ZEB1: variants seen among roughly 807,000 people sequenced by gnomAD.
The protein encoded by ZEB1 is zinc finger E-box binding homeobox 1, also known as zinc finger E-box-binding homeobox 1.
Under a neutral mutation model 84.9 loss-of-function variants are expected in ZEB1, and 21 were observed. That is an observed-to-expected ratio of 0.25 (90% CI 0.18 to 0.36). The LOEUF is 0.36. ZEB1 is among the 10% of genes least tolerant of loss of function. ZEB1 has a pLI of 1.00. For synonymous variants in ZEB1, 420 were observed against 471.1 expected (o/e 0.89, Z 1.41); for missense variants, 1,104 against 1,330.2 (o/e 0.83, Z 2.65).
rs188295276 is a variant in ZEB1, at chr10:31,517,535, G to A, written c.794-2591G>A. Among the ~76,000 whole-genome samples the A allele has an allele frequency of 2.3e-3, 338 of 148,402 alleles. 3 individuals are homozygous for A. The highest frequency in any genetic ancestry group is 0.022 in the Middle Eastern group (6 of 278). ...AAAAAGTCAGTATACATAGTATACC[G>A]AACTTTGAGTAGTGAAACTTCCTGA... On this transcript the variant is annotated intron_variant, in intron 6 of 8. Transcript: ENST00000424869.
chr10:31,444,505 T>G (rs2059496899), intron 1 of ZEB1, among the ~76,000 whole-genome samples: 1 of 151,462 alleles, frequency 6.6e-6, no homozygotes, highest in South Asian at 2.1e-4. Context: ...ATGTCCTGAA[T>G]GGTAATGCCT....
intron 1 of ZEB1, among the ~76,000 whole-genome samples, chr10:31,347,357 T>C (rs1344648350): frequency 2.0e-5 from 3 of 152,162 alleles, no homozygotes; most frequent in Non-Finnish European, 4.4e-5. Context: ...AACATTTGTT[T>C]AGCATATATC....
chr10:31,461,011 T>A (rs2137446989), intron 1 of ZEB1, 26 bp from the exon 2 acceptor site: 3 of 1,591,820 alleles, frequency 1.9e-6, no homozygotes, highest in Non-Finnish European at 2.6e-6. Flanking sequence ...TTGGTTTTGA[T>A]TATTTGTTTC....
At chr10:31,341,237 A>G (rs888029023) in intron 1 of ZEB1, among the ~76,000 whole-genome samples, 2 of 152,130 alleles carry the variant, frequency 1.3e-5, no homozygotes, top group Non-Finnish European at 2.9e-5. Context: ...TTAGCTTGAT[A>G]AGAGGTGACG....
rs200572671 is a variant in ZEB1, at chr10:31,521,519, A to C, written c.2187A>C (p.Glu729Asp). 111 of 1,614,016 alleles carry C rather than the reference A, an allele frequency of 6.9e-5. No individual in the cohort carries two copies. The highest frequency in any genetic ancestry group is 9.1e-5 in the Non-Finnish European group (107 of 1,180,028). The change falls in exon 7 of 9, where the codon GAA becomes GAC. Residue 729 changes from glutamate to aspartate, a missense_variant. Glu to Asp is a conservative substitution (Grantham distance 45). This residue lies in a region of ZEB1 where 531 missense variants were observed against 575.2 expected (regional missense o/e 0.92). Transcript: ENST00000424869. ...GYLYTAEGAQ[E>D]EPQVEPLDLS... The stretch of plus-strand genomic sequence containing the variant: ...TGTACACAGCTGAGGGTGCACAAGA[A>C]GAGCCACAAGTAGAACCTCTTGATC...
intron 2 of ZEB1, among the ~76,000 whole-genome samples, chr10:31,492,453 C>T (rs942833154): frequency 6.6e-6 from 1 of 151,806 alleles, no homozygotes; most frequent in African/African-American, 2.4e-5. Flanking sequence ...GTATTAAATG[C>T]ATTTTGACAT....
intron 1 of ZEB1, among the ~76,000 whole-genome samples, chr10:31,424,765 A>G (rs761969895): frequency 6.6e-6 from 1 of 151,966 alleles, no homozygotes; most frequent in South Asian, 2.1e-4. Flanking sequence ...CTGTTTTGAC[A>G]TGTGGTTTGT....
At chr10:31,439,597 TAATC>T (rs928197015) in intron 1 of ZEB1, among the ~76,000 whole-genome samples, 15 of 151,084 alleles carry the variant, frequency 9.9e-5, no homozygotes, top group East Asian at 2.0e-4. Flanking sequence ...GTGTAGTAGA[TAATC>T]AATCAATAAG....
intron 2 of ZEB1, among the ~76,000 whole-genome samples, chr10:31,492,742 G>A (rs2138911647): frequency 6.6e-6 from 1 of 151,966 alleles, no homozygotes; most frequent in East Asian, 1.9e-4. Flanking sequence ...TAAATAATCA[G>A]TCCTTCAGCT....
chr10:31,473,198 T>G (rs1297320295), intron 2 of ZEB1, among the ~76,000 whole-genome samples: 15 of 151,168 alleles, frequency 9.9e-5, no homozygotes, highest in South Asian at 2.1e-4. Flanking sequence ...AGTGTTGGAA[T>G]TTCTGGCCAG....
chr10:31,318,959 T>C, upstream of ZEB1: 1 of 514,796 alleles, frequency 1.9e-6, no homozygotes. Context: ...GGCATCCGCC[T>C]CCCTCTCCCC....
intron 2 of ZEB1, among the ~76,000 whole-genome samples, chr10:31,483,483 A>G (rs1156664669): frequency 6.6e-6 from 1 of 152,054 alleles, no homozygotes; most frequent in Non-Finnish European, 1.5e-5. Context: ...CATACATATA[A>G]TAGAGCAGTG....
chr10:31,452,701 A>ATGTGTG (rs377004895), intron 1 of ZEB1, among the ~76,000 whole-genome samples: 6,896 of 89,086 alleles, frequency 0.077, 469 homozygotes, highest in Non-Finnish European at 0.11. Context: ...TTAGGATAAA[A>ATGTGTG]TGTGTGTGTG....
intron 1 of ZEB1, among the ~76,000 whole-genome samples, chr10:31,453,988 A>C (rs1427842513): frequency 6.6e-6 from 1 of 152,176 alleles, no homozygotes; most frequent in Admixed American, 6.5e-5. Flanking sequence ...ATCCCTGATG[A>C]ACATCGATGT....
chr10:31,381,545 AC>A (rs1438248054), intron 1 of ZEB1, among the ~76,000 whole-genome samples: 3 of 152,190 alleles, frequency 2.0e-5, no homozygotes, highest in African/African-American at 7.2e-5. Flanking sequence ...TTAACCTCTA[AC>A]TTCCAAAATT....
chr10:31,527,398 A>G lies in ZEB1; in HGVS notation c.*134A>G. On this transcript the variant is annotated 3_prime_UTR_variant, in exon 9 of 9. Transcript: ENST00000424869. ...TACTGTGTAAAGTAAAAACTAAAAA[A>G]ATACAAAATACAAAACACACACACA... 6 of 965,078 alleles carry G rather than the reference A, an allele frequency of 6.2e-6. No homozygotes were observed. Among genetic ancestry groups the G allele is most frequent in the South Asian group, 1.6e-5 (1 of 62,500 alleles). 59.8% of individuals were successfully genotyped at this position (965,078 alleles called of 1,614,324 possible). A position where few individuals can be genotyped will look rare whatever the true frequency, so the allele number is the denominator to read the frequency against.
chr10:31,468,779 C>G (rs1157323020), intron 2 of ZEB1, among the ~76,000 whole-genome samples: 1 of 152,114 alleles, frequency 6.6e-6, no homozygotes, highest in Admixed American at 6.5e-5. Flanking sequence ...GAAAAATAAT[C>G]CCACCCAAAT....
At chr10:31,340,441 TTAG>T (rs1163596642) in intron 1 of ZEB1, among the ~76,000 whole-genome samples, 2 of 152,200 alleles carry the variant, frequency 1.3e-5, no homozygotes, top group Admixed American at 6.5e-5. Flanking sequence ...TGATAGCATT[TTAG>T]TAGTAGCACT....
At chr10:31,437,750 T>C (rs2058455205) in intron 1 of ZEB1, among the ~76,000 whole-genome samples, 1 of 152,212 alleles carries the variant, frequency 6.6e-6, no homozygotes, top group South Asian at 2.1e-4. Flanking sequence ...ATCTTTTTCT[T>C]TTCACTTTTC....
Sources: allele counts gnomAD v4.1 joint callset (sites outside exome capture counted in the v4.1 genomes callset), GRCh38; gene constraint gnomAD v4.1.1; regional missense constraint gnomAD v4.1.1; transcripts MANE v1.5; gene names NCBI Gene and HGNC (gene_info 2026-07-23, HGNC 2026-07-21).